Variants in SLC39A12 observed in about 807,000 individuals in gnomAD.
SLC39A12 encodes the protein zinc transporter ZIP12.
Under a neutral mutation model 71.1 loss-of-function variants are expected in SLC39A12, and 63 were observed. The ratio of observed to expected loss-of-function variants is 0.89; its 90% CI spans 0.72 to 1.09. The LOEUF (loss-of-function observed/expected upper bound fraction) is 1.09, where lower values mean the gene tolerates loss of function less well. Among genes scored for constraint, SLC39A12 ranks in the 50% least tolerant of loss-of-function variants. The pLI, the probability that SLC39A12 is intolerant of heterozygous loss-of-function variation, is 0.00. For synonymous variants in SLC39A12, 351 were observed against 301.3 expected, an observed-to-expected ratio of 1.16 and a Z score of -1.71; for missense variants, 892 against 812.6, an observed-to-expected ratio of 1.10 and a Z score of -1.19.
intron 12 of SLC39A12, among the ~76,000 whole-genome samples, chr10:18,013,390 C>T (rs924405777): frequency 1.5e-5 from 2 of 130,230 alleles, no homozygotes; most frequent in African/African-American, 5.7e-5. Context: ...TTATTAGAGA[C>T]AGAGTCTTGC....
At chr10:18,010,925 CTA>C (rs1288748480) in intron 12 of SLC39A12, among the ~76,000 whole-genome samples, 1 of 152,160 alleles carries the variant, frequency 6.6e-6, no homozygotes, top group Non-Finnish European at 1.5e-5. Context: ...GGATGAAGAC[CTA>C]TATGATTGTC....
chr10:17,965,449 T>A, intron 3 of SLC39A12, 34 bp from the exon 4 acceptor site: 4 of 1,589,746 alleles, frequency 2.5e-6, no homozygotes, highest in Non-Finnish European at 3.4e-6. Flanking sequence ...CTTCAGATGT[T>A]ACAATTTTCT....
chr10:18,026,863 AT>A (rs1157231788), intron 12 of SLC39A12, among the ~76,000 whole-genome samples: 1 of 151,864 alleles, frequency 6.6e-6, no homozygotes, highest in Non-Finnish European at 1.5e-5. Context: ...TCTAGCATTT[AT>A]TTTTTATTTT....
At chr10:17,994,692 G>T (rs1036679894) in intron 9 of SLC39A12, among the ~76,000 whole-genome samples, 1 of 152,046 alleles carries the variant, frequency 6.6e-6, no homozygotes, top group African/African-American at 2.4e-5. Flanking sequence ...TATCCTACAG[G>T]CTCTACCTTA....
intron 6 of SLC39A12, among the ~76,000 whole-genome samples, chr10:17,982,771 C>T (rs1264467557): frequency 2.6e-5 from 4 of 151,992 alleles, no homozygotes; most frequent in Admixed American, 2.0e-4. Flanking sequence ...ATGTACAGGC[C>T]GCTCGGAAAA....
intron 4 of SLC39A12, among the ~76,000 whole-genome samples, chr10:17,975,941 C>G (rs1248871476): frequency 6.6e-6 from 1 of 152,128 alleles, no homozygotes; most frequent in Non-Finnish European, 1.5e-5. Context: ...TTCCTTTCTG[C>G]TTTAACAGGA....
rs143125576 is a variant in SLC39A12, at chr10:17,977,916, C to A, written c.766C>A (p.Leu256Ile). ...TLRLSELDQLLNTLWTRSTCI... is the reference protein window; with the variant it reads ...TLRLSELDQLINTLWTRSTCI... ...GAAATTTCTAGAACTAGACCAACTCCTCAACACTCTCTGGACCAGAAGTAC... is the reference window on the plus strand; with the variant it reads ...GAAATTTCTAGAACTAGACCAACTCATCAACACTCTCTGGACCAGAAGTAC... Residue 256 changes from leucine (L) to isoleucine (I), a missense_variant, in exon 5 of 13, where the codon CTC becomes ATC. Transcript: ENST00000377369. 2.8e-4 allele frequency: 453 copies of A among 1,600,080 alleles called. No homozygotes were observed. The highest frequency in any genetic ancestry group is 6.7e-4 in the Middle Eastern group (4 of 5,980).
chr10:18,034,832 G>A (rs1487882044), intron 12 of SLC39A12, among the ~76,000 whole-genome samples: 3 of 148,796 alleles, frequency 2.0e-5, no homozygotes, highest in African/African-American at 7.4e-5. Context: ...AGCTCTTTTA[G>A]GGCAGGCCTG....
rs184453768 is a variant in SLC39A12 at position 18,036,458 on chromosome 10, C to T, written c.1948-6247C>T. ...TTCTTTGACTAGGAAAGGGAACTCC[C>T]TGACCCCTTGCGCTTCCCAGATGAG... On this transcript the variant is annotated intron_variant, in intron 12 of 12. Coordinates refer to ENST00000377369, the MANE Select transcript of SLC39A12 (RefSeq NM_001145195.2). Among the ~76,000 whole-genome samples the T allele has an allele frequency of 9.9e-3, 1,501 of 152,138 alleles. 20 individuals carry two copies. Among genetic ancestry groups the T allele is most frequent in the Middle Eastern group, 0.014 (4 of 294 alleles).
intron 9 of SLC39A12, among the ~76,000 whole-genome samples, chr10:17,994,243 C>T (rs1245246936): frequency 6.6e-6 from 1 of 152,150 alleles, no homozygotes; most frequent in Non-Finnish European, 1.5e-5. Context: ...ATAACCAAAT[C>T]TCTGAAGGTA....
chr10:17,983,593 C>G (rs1835326179), intron 6 of SLC39A12, among the ~76,000 whole-genome samples: 1 of 152,050 alleles, frequency 6.6e-6, no homozygotes, highest in Non-Finnish European at 1.5e-5. Context: ...ACCAGCCTGG[C>G]CAACATGGTA....
At chr10:17,987,952 T>A (rs1835446443) in intron 7 of SLC39A12, among the ~76,000 whole-genome samples, 1 of 152,102 alleles carries the variant, frequency 6.6e-6, no homozygotes, top group African/African-American at 2.4e-5. Context: ...GGCGGGAAGA[T>A]CGCTGGAGCC....
chr10:18,023,381 G>A (rs992256067), intron 12 of SLC39A12, among the ~76,000 whole-genome samples: 3 of 152,148 alleles, frequency 2.0e-5, no homozygotes, highest in African/African-American at 7.2e-5. Context: ...GGGTTATGCT[G>A]GAGGTGTGAG....
chr10:18,000,748 C>A lies in SLC39A12; in HGVS notation c.1682C>A (p.Ala561Glu). The A allele has an allele frequency of 6.2e-7, 1 of 1,614,128 alleles. No homozygotes were observed. Among genetic ancestry groups the A allele is most frequent in the Non-Finnish European group, 8.5e-7 (1 of 1,179,980 alleles). Residue 561 changes from alanine (A) to glutamate (E), a missense_variant, in exon 11 of 13, where the codon GCA becomes GAA. By Grantham distance (107) the Ala-to-Glu change is moderately radical. Transcript: ENST00000377369. ...HNFADGLAIG[A>E]AFSSSSESGV... The stretch of plus-strand genomic sequence containing the variant: ...TTTGCAGATGGCCTAGCCATAGGAG[C>A]AGCCTTCTCATCATCATCCGAGTCA...
At chr10:17,994,949 A>G (rs1020271391) in intron 9 of SLC39A12, among the ~76,000 whole-genome samples, 4 of 142,284 alleles carry the variant, frequency 2.8e-5, no homozygotes, top group African/African-American at 9.8e-5. Flanking sequence ...AATTGAAATC[A>G]GAGGCGCCAA....
chr10:17,988,491 T>G lies in SLC39A12; in HGVS notation c.1269+840T>G, dbSNP rs76607776. On this transcript the variant is annotated intron_variant, in intron 7 of 12. Coordinates refer to ENST00000377369, the MANE Select transcript of SLC39A12 (RefSeq NM_001145195.2). ...CAGAAGCAAATGCTGACACCATGCTTCCTGTACACCCTGCAGAACCAGGAG... is the reference window on the plus strand; with the variant it reads ...CAGAAGCAAATGCTGACACCATGCTGCCTGTACACCCTGCAGAACCAGGAG... 2.2e-3 allele frequency among the ~76,000 whole-genome samples: 330 copies of G among 152,292 alleles called. 12 individuals carry two copies. The East Asian group carries it at 0.06, about 28-fold the overall frequency.
intron 4 of SLC39A12, among the ~76,000 whole-genome samples, chr10:17,969,882 C>A (rs1313612862): frequency 2.0e-5 from 3 of 152,130 alleles, no homozygotes; most frequent in Non-Finnish European, 4.4e-5. Context: ...TCAAGATTTT[C>A]CCCAACGTTT....
rs141118818 is a variant in SLC39A12, at chr10:17,959,953, C to T, written c.262-1628C>T. Among the ~76,000 whole-genome samples, 441 of 152,246 alleles carry T rather than the reference C, an allele frequency of 2.9e-3. 6 individuals are homozygous for T. The highest frequency in any genetic ancestry group is 4.0e-4 in the Non-Finnish European group (27 of 68,018). On this transcript the variant is annotated intron_variant, in intron 2 of 12. Coordinates refer to ENST00000377369, the MANE Select transcript of SLC39A12 (RefSeq NM_001145195.2). ...AAAGATGGATTAACAGGAGAAATAG[C>T]ACACACATTTGATGTTAATATTTTT...
intron 4 of SLC39A12, among the ~76,000 whole-genome samples, chr10:17,973,692 T>C (rs1488241223): frequency 4.6e-5 from 7 of 152,158 alleles, no homozygotes; most frequent in African/African-American, 1.7e-4. Context: ...GTAGTTTGCT[T>C]ATTAAATGCC....
Sources: allele counts gnomAD v4.1 joint callset (sites outside exome capture counted in the v4.1 genomes callset), GRCh38; gene constraint gnomAD v4.1.1; transcripts MANE v1.5; gene names NCBI Gene and HGNC (gene_info 2026-07-23, HGNC 2026-07-21).